SLC25A18: variants seen among roughly 807,000 people sequenced by gnomAD.
The protein encoded by SLC25A18 is mitochondrial glutamate carrier 2.
Under a neutral mutation model 31.1 loss-of-function variants are expected in SLC25A18, and 24 were observed. That is an observed-to-expected ratio of 0.77 (90% CI 0.56 to 1.08). The LOEUF is 1.08. Among genes scored for constraint, SLC25A18 ranks in the 50% least tolerant of loss-of-function variants. SLC25A18 has a pLI of 0.00. For missense variants in SLC25A18, 371 were observed against 418.5 expected (o/e 0.89, Z 0.99); for synonymous variants, 173 against 161.9 (o/e 1.07, Z -0.52).
intron 7 of SLC25A18, among the ~76,000 whole-genome samples, chr22:17,584,446 G>A (rs867125913): frequency 3.8e-4 from 45 of 116,932 alleles, no homozygotes; most frequent in Admixed American, 1.6e-3. Context: ...AAGGAAGGAA[G>A]GAGAGAGAGA....
At chr22:17,569,520 G>C in intron 1 of SLC25A18, 2 of 723,348 alleles carry the variant, frequency 2.8e-6, no homozygotes, top group African/African-American at 1.9e-5. Flanking sequence ...GAGAAGCAGA[G>C]ATTTGCTTCT....
chr22:17,569,242 T>C (rs927217276), intron 1 of SLC25A18, among the ~76,000 whole-genome samples: 27 of 151,992 alleles, frequency 1.8e-4, no homozygotes, highest in African/African-American at 6.0e-4. Flanking sequence ...TCTCCCGACC[T>C]CGTGATCCGC....
intron 2 of SLC25A18, among the ~76,000 whole-genome samples, chr22:17,572,699 T>C (rs1369865879): frequency 7.9e-6 from 1 of 127,214 alleles, no homozygotes; most frequent in African/African-American, 3.5e-5. Flanking sequence ...TGGAGTGCAG[T>C]GGCGCGATCT....
At chr22:17,580,273 C>T in intron 3 of SLC25A18, 1 of 317,246 alleles carries the variant, frequency 3.2e-6, no homozygotes, top group Non-Finnish European at 5.7e-6. Context: ...CTATCATCTA[C>T]TCTTACCACT....
At chr22:17,569,064 A>G (rs891634677) in intron 1 of SLC25A18, among the ~76,000 whole-genome samples, 1 of 149,598 alleles carries the variant, frequency 6.7e-6, no homozygotes, top group Non-Finnish European at 1.5e-5. Context: ...GCTGGAGGGC[A>G]GTGGCGCGAT....
At chr22:17,573,983 A>G (rs1467735257) in intron 2 of SLC25A18, among the ~76,000 whole-genome samples, 3 of 152,156 alleles carry the variant, frequency 2.0e-5, no homozygotes, top group Non-Finnish European at 4.4e-5. Context: ...TAATCCCGAC[A>G]CTTCGGGAGG....
At chr22:17,589,250 G>A (rs1288063350) in intron 9 of SLC25A18, 4 of 199,896 alleles carry the variant, frequency 2.0e-5, no homozygotes, top group Middle Eastern at 2.0e-3. Flanking sequence ...GTACAATCTC[G>A]GCTCACTGCA....
chr22:17,581,232 C>G (rs2057364566), intron 4 of SLC25A18, 73 bp downstream of exon 4: 1 of 1,571,254 alleles, frequency 6.4e-7, no homozygotes, highest in Non-Finnish European at 8.6e-7. Flanking sequence ...CCTCCAGTCT[C>G]CAGGCAGCGC....
chr22:17,580,557 C>G (rs952899299), intron 3 of SLC25A18: 9 of 990,116 alleles, frequency 9.1e-6, no homozygotes, highest in East Asian at 1.1e-4. Context: ...GGCATTCCCC[C>G]CCAGGCACGG....
At chr22:17,587,376 T>C (rs569192058) in intron 8 of SLC25A18, 75 bp downstream of exon 8, 37 of 1,500,388 alleles carry the variant, frequency 2.5e-5, no homozygotes, top group Non-Finnish European at 3.3e-5. Flanking sequence ...GTTGTCCCTA[T>C]CTGCCTCTGT....
At chr22:17,590,034 A>G (rs1160768831) in intron 10 of SLC25A18, 61 bp from the exon 11 acceptor site, 2 of 1,604,788 alleles carry the variant, frequency 1.2e-6, no homozygotes, top group Non-Finnish European at 1.7e-6. Flanking sequence ...AGAGGCTGCC[A>G]CTGAGGGCTG....
In SLC25A18 at chr22:17,588,006, G is replaced by A. The variant is rs761274066; in HGVS notation, c.657G>A (p.Ala219=). The change falls in exon 9 of 11, where the codon GCG becomes GCA. Residue 219 remains alanine (A), a synonymous_variant. Transcript: ENST00000327451. ...NLGFNELAGK[A]SFAHSFVSGC... ...GGTTCAACGAGCTCGCCGGTAAGGC[G>A]TCCTTTGCACATTCCTTCGTGTCAG... is the stretch of plus-strand genomic sequence containing the variant. 30 of 1,614,094 alleles carry A rather than the reference G, an allele frequency of 1.9e-5. No homozygotes were observed. Among genetic ancestry groups the A allele is most frequent in the South Asian group, 4.4e-5 (4 of 91,086 alleles).
In SLC25A18 at chr22:17,578,830, G is replaced by A. The variant is rs183457737; in HGVS notation, c.-200-915G>A. Among the ~76,000 whole-genome samples the A allele has an allele frequency of 2.1e-3, 321 of 152,320 alleles. 1 individual carries two copies. The highest frequency in any genetic ancestry group is 7.6e-3 in the Admixed American group (116 of 15,302). ...CAGGAGACTGGTGTGAACCTGGGAG[G>A]CAGAGGTTGCAGTGAGCTGAGATCG... On this transcript the variant is annotated intron_variant, in intron 2 of 10. Coordinates refer to ENST00000327451, the MANE Select transcript of SLC25A18 (RefSeq NM_031481.3).
At position 17,589,635 on chromosome 22, in the gene SLC25A18, A is replaced by C; in HGVS notation, c.776A>C (p.Asp259Ala). Residue 259 changes from aspartate (D) to alanine (A), a missense_variant, in exon 10 of 11, where the codon GAC (aspartate) becomes GCC (alanine). Asp to Ala is a moderately radical substitution (Grantham distance 126). Transcript: ENST00000327451. ...IQTLKKGLGE[D>A]MYSGITDCAR... The stretch of plus-strand genomic sequence containing the variant: ...ACCCTCAAGAAAGGCCTGGGCGAGG[A>C]CATGTACAGTGGGATCACCGACTGT... The C allele has an allele frequency of 6.2e-7, 1 of 1,614,116 alleles. No homozygotes were observed. The highest frequency in any genetic ancestry group is 8.5e-7 in the Non-Finnish European group (1 of 1,180,002).
At position 17,590,306 on chromosome 22, in the gene SLC25A18, C is replaced by T; in HGVS notation, c.*70C>T. On this transcript the variant is annotated 3_prime_UTR_variant, in exon 11 of 11. Transcript: ENST00000327451. ...GCTGTTTCACTTAGCCTAGAGGGGG[C>T]AAGGGCAGGTGGGGCCACTCTGGCC... 6.3e-7 allele frequency: 1 copy of T among 1,596,646 alleles called. No individual in the cohort carries two copies.
At position 17,587,294 on chromosome 22, in the gene SLC25A18, C is replaced by T. The variant is rs144773019; in HGVS notation, c.568C>T (p.Leu190Phe). Residue 190 changes from leucine to phenylalanine, a missense_variant, in exon 8 of 11, where the codon CTC (leucine) becomes TTC (phenylalanine). Transcript: ENST00000327451. ...GCTCTACAGGGGCCTGGGTGCCACT[C>T]TCCTCAGGTGAGCCTTTCTTCCGGT... is the stretch of plus-strand genomic sequence containing the variant. ...AGLYRGLGATLLRDIPFSIIY... is the reference protein window; with the variant it reads ...AGLYRGLGATFLRDIPFSIIY... 2 of 1,612,006 alleles carry T rather than the reference C, an allele frequency of 1.2e-6. No individual in the cohort carries two copies. The highest frequency in any genetic ancestry group is 2.7e-5 in the African/African-American group (2 of 74,892).
chr22:17,582,738 G>A, intron 6 of SLC25A18, 85 bp downstream of exon 6: 1 of 1,206,770 alleles, frequency 8.3e-7, no homozygotes, highest in South Asian at 1.4e-5. Context: ...ATGTGCCTCA[G>A]TATACCTGCC....
chr22:17,579,964 G>A lies in SLC25A18; in HGVS notation c.20G>A (p.Ser7Asn), dbSNP rs199852978. Residue 7 changes from serine to asparagine, a missense_variant and splice_region_variant, in exon 3 of 11, where the codon AGC (serine) becomes AAC (asparagine). Coordinates refer to ENST00000327451, the MANE Select transcript of SLC25A18 (RefSeq NM_031481.3). ...TGCAGAATGACCCACCAGGATCTGA[G>A]GTGAGCTCGGCTGGGGCAGCCTGAG... MTHQDL[S>N]ITAKLINGGV... 48 of 1,610,618 alleles carry A rather than the reference G, an allele frequency of 3.0e-5. No homozygotes were observed. The highest frequency in any genetic ancestry group is 4.1e-5 in the Non-Finnish European group (48 of 1,178,926).
intron 7 of SLC25A18, among the ~76,000 whole-genome samples, chr22:17,584,448 A>AAGGAAGGAAG (rs1555951483): frequency 8.6e-6 from 1 of 116,726 alleles, no homozygotes; most frequent in African/African-American, 3.7e-5. Context: ...GGAAGGAAGG[A>AAGGAAGGAAG]GAGAGAGAGA....
Sources: allele counts gnomAD v4.1 joint callset (sites outside exome capture counted in the v4.1 genomes callset), GRCh38; gene constraint gnomAD v4.1.1; transcripts MANE v1.5; gene names NCBI Gene and HGNC (gene_info 2026-07-23, HGNC 2026-07-21).